Variants in CLVS1 observed in about 807,000 individuals in gnomAD.
CLVS1 encodes clavesin 1, also known as clavesin-1.
CLVS1 carries 10 observed loss-of-function variants against 33.1 expected under a neutral mutation model. That is an observed-to-expected ratio of 0.30 (90% CI 0.19 to 0.51). The LOEUF (loss-of-function observed/expected upper bound fraction) is 0.51. CLVS1 is among the 20% of genes least tolerant of loss of function. CLVS1 has a pLI of 0.97. For missense variants in CLVS1, 343 were observed against 433.4 expected (o/e 0.79, Z 1.85); for synonymous variants, 163 against 166.1 (o/e 0.98, Z 0.14).
chr8:61,356,735 C>T (rs1297015829), intron 2 of CLVS1, among the ~76,000 whole-genome samples: 1 of 152,130 alleles, frequency 6.6e-6, no homozygotes, highest in Non-Finnish European at 1.5e-5. Flanking sequence ...AGATGTGCGG[C>T]ATTATTTCTG....
At chr8:61,251,718 T>G (rs1427331833) in intron 2 of CLVS1, among the ~76,000 whole-genome samples, 1 of 152,178 alleles carries the variant, frequency 6.6e-6, no homozygotes, top group Non-Finnish European at 1.5e-5. Context: ...TTTATAGTAT[T>G]CTCTGATGGT....
intron 2 of CLVS1, among the ~76,000 whole-genome samples, chr8:61,138,392 A>G (rs1806230636): frequency 6.6e-6 from 1 of 152,220 alleles, no homozygotes; most frequent in Non-Finnish European, 1.5e-5. Context: ...TATCCAATGA[A>G]TGGGCAGCCC....
chr8:61,352,190 G>T (rs904961333), intron 2 of CLVS1, among the ~76,000 whole-genome samples: 2 of 151,954 alleles, frequency 1.3e-5, no homozygotes, highest in Non-Finnish European at 2.9e-5. Context: ...AAGGTAAAAT[G>T]TTGATACTGT....
chr8:60,988,683 C>T, the CLVS1 span, among the ~76,000 whole-genome samples: 1 of 152,152 alleles, frequency 6.6e-6, no homozygotes, highest in African/African-American at 2.4e-5. Flanking sequence ...TTTCCAACTA[C>T]TTAAGAAGGA....
chr8:61,481,065 G>A (rs1476027398), intron 5 of CLVS1, among the ~76,000 whole-genome samples: 1 of 152,138 alleles, frequency 6.6e-6, no homozygotes, highest in East Asian at 1.9e-4. Context: ...GAAAGGAAAG[G>A]AAACTAGGAC....
At chr8:61,361,941 T>C (rs1200129820) in intron 2 of CLVS1, among the ~76,000 whole-genome samples, 2 of 152,186 alleles carry the variant, frequency 1.3e-5, no homozygotes, top group Admixed American at 1.3e-4. Flanking sequence ...TGAGAATTTG[T>C]AGCCACAGGC....
At chr8:61,109,289 A>G (rs1382619945) in intron 1 of CLVS1, among the ~76,000 whole-genome samples, 1 of 152,034 alleles carries the variant, frequency 6.6e-6, no homozygotes, top group East Asian at 1.9e-4. Flanking sequence ...AGTAATTTCC[A>G]TCAAAGGCCC....
chr8:61,181,712 T>TG (rs1807237612), intron 2 of CLVS1, among the ~76,000 whole-genome samples: 1 of 143,932 alleles, frequency 6.9e-6, no homozygotes, highest in African/African-American at 2.6e-5. Flanking sequence ...TTTTTTTTTT[T>TG]TTTTTGAGAT....
At chr8:61,350,650 C>T (rs2129598933) in intron 2 of CLVS1, among the ~76,000 whole-genome samples, 1 of 152,258 alleles carries the variant, frequency 6.6e-6, no homozygotes, top group East Asian at 1.9e-4. Flanking sequence ...TCCACTCTTA[C>T]ACCATTATGT....
At chr8:61,302,385 A>G (rs916664906) in intron 2 of CLVS1, among the ~76,000 whole-genome samples, 3 of 152,140 alleles carry the variant, frequency 2.0e-5, no homozygotes, top group African/African-American at 7.2e-5. Flanking sequence ...TGATTCATTC[A>G]TCTTTATCAT....
At chr8:61,166,003 A>T (rs1458312561) in intron 2 of CLVS1, among the ~76,000 whole-genome samples, 1 of 135,754 alleles carries the variant, frequency 7.4e-6, no homozygotes, top group East Asian at 2.0e-4. Context: ...AACGTGGGTT[A>T]CATATTTTTG....
chr8:61,406,511 C>T (rs1211404671), intron 3 of CLVS1, among the ~76,000 whole-genome samples: 3 of 151,260 alleles, frequency 2.0e-5, no homozygotes, highest in African/African-American at 7.3e-5. Flanking sequence ...AATTCCAAGG[C>T]AAAAATATTT....
rs945691797 is a variant in CLVS1 at position 61,336,049 on chromosome 8, C to T, written c.455+35767C>T. On this transcript the variant is annotated intron_variant, in intron 2 of 5. Coordinates refer to ENST00000325897, the MANE Select transcript of CLVS1 (RefSeq NM_173519.3). ...GCACAGACTCTCAGCGAATAGAATT[C>T]GCTGAGAAAAGCAAGAGGACGGGTC... 2.0e-5 allele frequency among the ~76,000 whole-genome samples: 3 copies of T among 152,100 alleles called. No homozygotes were observed. The East Asian group carries it at 5.8e-4, about 29-fold the overall frequency.
At chr8:61,433,356 C>G (rs1816187119) in intron 3 of CLVS1, among the ~76,000 whole-genome samples, 1 of 152,116 alleles carries the variant, frequency 6.6e-6, no homozygotes, top group African/African-American at 2.4e-5. Flanking sequence ...GTCTCGGGCT[C>G]TCAGTAAATC....
intron 3 of CLVS1, among the ~76,000 whole-genome samples, chr8:61,439,899 T>C (rs985736778): frequency 6.6e-6 from 1 of 152,196 alleles, no homozygotes; most frequent in Non-Finnish European, 1.5e-5. Flanking sequence ...CGCTCAAACA[T>C]AGTCAAATAT....
intron 5 of CLVS1, among the ~76,000 whole-genome samples, chr8:61,491,950 C>A (rs554451185): frequency 1.4e-4 from 21 of 152,250 alleles, no homozygotes; most frequent in Middle Eastern, 3.4e-3. Context: ...GGTCTCCTAT[C>A]ATGGGGGCAG....
intron 3 of CLVS1, among the ~76,000 whole-genome samples, chr8:61,389,867 T>C (rs1291827214): frequency 6.6e-6 from 1 of 152,254 alleles, no homozygotes; most frequent in Non-Finnish European, 1.5e-5. Context: ...GTCATTTGTA[T>C]ATCTTGGAAG....
chr8:60,986,133 G>A, the CLVS1 span, among the ~76,000 whole-genome samples: 1 of 152,166 alleles, frequency 6.6e-6, no homozygotes, highest in Non-Finnish European at 1.5e-5. Flanking sequence ...AGATGCAAAG[G>A]TTATGAAAAC....
At chr8:61,495,548 C>T (rs1804239192) in intron 5 of CLVS1, among the ~76,000 whole-genome samples, 1 of 152,128 alleles carries the variant, frequency 6.6e-6, no homozygotes. Context: ...GGATGGGTAA[C>T]AAATTTCAAG....
Sources: allele counts gnomAD v4.1 joint callset (sites outside exome capture counted in the v4.1 genomes callset), GRCh38; gene constraint gnomAD v4.1.1; transcripts MANE v1.5; gene names NCBI Gene and HGNC (gene_info 2026-07-23, HGNC 2026-07-21).